The following ANK3 variants were observed in gnomAD, a reference collection of about 807,000 sequenced individuals.
ANK3 encodes ankyrin-3.
ANK3 carries 57 observed loss-of-function variants against 370.9 expected under a neutral mutation model. That is an observed-to-expected ratio of 0.15 (90% CI 0.12 to 0.19). The LOEUF (loss-of-function observed/expected upper bound fraction) is 0.19, where lower values mean the gene tolerates loss of function less well. Among genes scored for constraint, ANK3 ranks in the 10% least tolerant of loss-of-function variants. The probability of loss-of-function intolerance (pLI) is 1.00; values close to 1 mark genes in which losing one functional copy is unlikely to be tolerated. For missense variants in ANK3, 4,439 were observed against 5,302.1 expected (o/e 0.84, Z 5.06); for synonymous variants, 1,929 against 1,946.3 (o/e 0.99, Z 0.23).
rs1178084612 is a variant in ANK3, at chr10:60,641,604, T to C, written c.58-26380A>G. Among the ~76,000 whole-genome samples, 3 of 152,010 alleles carry C rather than the reference T, an allele frequency of 2.0e-5. No homozygotes were observed. The South Asian group carries it at 6.2e-4, about 32-fold the overall frequency. On this transcript the variant is annotated intron_variant, in intron 1 of 43. Coordinates refer to the ANK3 transcript ENST00000373827. ...TGGAGAAAGCTGAAACTGGATCCCT[T>C]CCTTACACCTTATACAAAAATTAAT...
At chr10:60,255,094 T>C (rs1027079545) in intron 7 of ANK3, among the ~76,000 whole-genome samples, 2 of 152,188 alleles carry the variant, frequency 1.3e-5, no homozygotes, top group African/African-American at 4.8e-5. Context: ...AGGATTGTTA[T>C]GACAATAAGT....
In ANK3 at chr10:60,375,416, G is replaced by GT. The variant is rs1486743675; in HGVS notation, c.114+14008dup. Reference sequence around the variant, plus strand: ...TCTGCTGATGAATTTCTTCCAAGTGGTTTTTGCTCTGGGAGTCAAGCAGCA... The same window carrying GT: ...TCTGCTGATGAATTTCTTCCAAGTGGTTTTTTGCTCTGGGAGTCAAGCAGCA... On this transcript the variant is annotated intron_variant, in intron 1 of 43. Coordinates refer to ENST00000280772, the MANE Select transcript of ANK3 (RefSeq NM_020987.5). Among the ~76,000 whole-genome samples, 4 of 151,664 alleles carry GT rather than the reference G, an allele frequency of 2.6e-5. No individual in the cohort carries two copies. In the East Asian group the frequency reaches 7.7e-4, roughly 29 times the overall value.
intron 1 of ANK3, among the ~76,000 whole-genome samples, chr10:60,731,686 C>T (rs1248397188): frequency 6.6e-6 from 1 of 152,116 alleles, no homozygotes; most frequent in Non-Finnish European, 1.5e-5. Flanking sequence ...AAACACGCAC[C>T]GGTTTGAGCC....
intron 2 of ANK3, among the ~76,000 whole-genome samples, chr10:60,459,127 G>A (rs1016110607): frequency 1.3e-5 from 2 of 152,088 alleles, no homozygotes; most frequent in African/African-American, 4.8e-5. Flanking sequence ...ATCGGCTTAC[G>A]AGGAACAAAT....
intron 1 of ANK3, among the ~76,000 whole-genome samples, chr10:60,659,019 T>C (rs1319883350): frequency 6.6e-6 from 1 of 151,924 alleles, no homozygotes; most frequent in Non-Finnish European, 1.5e-5. Flanking sequence ...TACTAAATAG[T>C]TCGAAATCTG....
intron 2 of ANK3, among the ~76,000 whole-genome samples, chr10:60,483,087 G>A (rs2075266154): frequency 1.3e-5 from 2 of 152,120 alleles, no homozygotes; most frequent in South Asian, 4.2e-4. Flanking sequence ...AATTTATAAG[G>A]AGTATTTTTT....
At chr10:60,067,851 T>A (rs903089949) in intron 38 of ANK3, 84 bp downstream of exon 38, 47 of 1,120,476 alleles carry the variant, frequency 4.2e-5, no homozygotes, top group Non-Finnish European at 5.2e-5. Context: ...TTTCTATTTT[T>A]AAAATATATA....
chr10:60,582,205 G>T (rs887416821), intron 2 of ANK3, among the ~76,000 whole-genome samples: 9 of 151,982 alleles, frequency 5.9e-5, no homozygotes, highest in African/African-American at 2.2e-4. Flanking sequence ...AACCACCATG[G>T]CACATGTATA....
intron 2 of ANK3, among the ~76,000 whole-genome samples, chr10:60,501,954 C>G (rs1444980192): frequency 6.6e-6 from 1 of 152,092 alleles, no homozygotes; most frequent in African/African-American, 2.4e-5. Context: ...CCACTGCACT[C>G]TTTAGCCTGG....
intron 2 of ANK3, among the ~76,000 whole-genome samples, chr10:60,443,853 T>A (rs1419085224): frequency 6.6e-6 from 1 of 152,164 alleles, no homozygotes; most frequent in African/African-American, 2.4e-5. Context: ...CATTTCCTGA[T>A]CCTCTGATAG....
At chr10:60,119,540 G>T (rs10821679) in intron 25 of ANK3, among the ~76,000 whole-genome samples, 54,735 of 152,000 alleles carry the variant, frequency 0.36, 10,058 homozygotes, top group Admixed American at 0.42. Flanking sequence ...GCTGAGGTGG[G>T]TGGATCACTT....
chr10:60,351,828 C>T (rs1323218471), intron 1 of ANK3, among the ~76,000 whole-genome samples: 2 of 152,052 alleles, frequency 1.3e-5, no homozygotes, highest in Non-Finnish European at 2.9e-5. Flanking sequence ...TAAAGGTACA[C>T]CTCCCTGTTA....
At position 60,104,971 on chromosome 10, in the gene ANK3, C is replaced by T. The variant is rs140651042; in HGVS notation, c.3328+934G>A. 6.2e-3 allele frequency among the ~76,000 whole-genome samples: 949 copies of T among 152,306 alleles called. 13 individuals carry two copies. Among genetic ancestry groups the T allele is most frequent in the Non-Finnish European group, 8.8e-3 (596 of 68,030 alleles). ...CCAAGGTCATTCCTCAAGTACCCTA[C>T]GGTTCACCTCGCTCCTTTGTTCACA... On this transcript the variant is annotated intron_variant, in intron 28 of 43. Transcript: ENST00000280772.
At chr10:60,310,428 A>T (rs1171407760) in intron 1 of ANK3, among the ~76,000 whole-genome samples, 3 of 152,236 alleles carry the variant, frequency 2.0e-5, no homozygotes, top group Admixed American at 1.3e-4. Context: ...TGTAATAAAC[A>T]AATACTCACA....
At chr10:60,427,442 G>C (rs2063913292) in intron 2 of ANK3, among the ~76,000 whole-genome samples, 2 of 151,936 alleles carry the variant, frequency 1.3e-5, no homozygotes, top group South Asian at 4.2e-4. Context: ...AGGAACCACA[G>C]AGATAAGAGA....
chr10:60,175,310 T>C (rs2095898885), intron 18 of ANK3, among the ~76,000 whole-genome samples: 1 of 152,204 alleles, frequency 6.6e-6, no homozygotes, highest in Non-Finnish European at 1.5e-5. Context: ...AGATGTGGGC[T>C]CCTCCATTCA....
intron 2 of ANK3, among the ~76,000 whole-genome samples, chr10:60,448,697 C>G (rs1192144285): frequency 4.5e-4 from 69 of 152,196 alleles, no homozygotes; most frequent in Non-Finnish European, 5.9e-5. Flanking sequence ...TTGGGGAGAA[C>G]AGCAGGATTC....
intron 1 of ANK3, among the ~76,000 whole-genome samples, chr10:60,285,462 T>A (rs1368510958): frequency 6.6e-6 from 1 of 152,178 alleles, no homozygotes; most frequent in Non-Finnish European, 1.5e-5. Flanking sequence ...GTTCCATGAC[T>A]TTTAAGTTTC....
chr10:60,067,911 C>CCATT, intron 38 of ANK3, 24 bp downstream of exon 38: 1 of 1,550,340 alleles, frequency 6.5e-7, no homozygotes, highest in Non-Finnish European at 8.8e-7. Context: ...CTAATTTGTT[C>CCATT]CATTCAGGAG....
Sources: allele counts gnomAD v4.1 joint callset (sites outside exome capture counted in the v4.1 genomes callset), GRCh38; gene constraint gnomAD v4.1.1; transcripts MANE v1.5; gene names NCBI Gene and HGNC (gene_info 2026-07-23, HGNC 2026-07-21).